PPARA: variants seen among roughly 807,000 people sequenced by gnomAD.
PPARA encodes the protein peroxisome proliferator-activated receptor alpha.
A neutral mutation model predicts 42.2 loss-of-function variants in PPARA; 22 were observed. The observed-to-expected ratio is 0.52, with a 90% CI of 0.37 to 0.74. PPARA has a LOEUF of 0.74. Among genes scored for constraint, PPARA ranks in the 30% least tolerant of loss-of-function variants. The pLI is 0.00. For missense variants in PPARA, 465 were observed against 608.2 expected (o/e 0.76, Z 2.48); for synonymous variants, 242 against 239.3 (o/e 1.01, Z -0.10).
intron 2 of PPARA, chr22:46,155,749 A>G (rs1925213001): frequency 6.6e-6 from 1 of 152,374 alleles, no homozygotes; most frequent in Non-Finnish European, 1.5e-5. Context: ...ACTTGGGCAC[A>G]GAATTTACAT....
Position 46,216,999 on chromosome 22 carries a change from A to G in PPARA, c.370-1264A>G, listed in dbSNP as rs1934553395. Among the ~76,000 whole-genome samples, 1 of 152,200 alleles carries G rather than the reference A, an allele frequency of 6.6e-6. No homozygotes were observed. The highest frequency in any genetic ancestry group is 2.1e-4 in the South Asian group (1 of 4,826). On this transcript the variant is annotated intron_variant, in intron 5 of 8. Coordinates refer to ENST00000407236, the MANE Select transcript of PPARA (RefSeq NM_005036.6). This position sits in a 1 kb window ranked among gnomAD's most constrained non-coding sequence, Gnocchi z 4.5. ...TGGAAAATGCCACCGCCTTTCTGGC[A>G]CAATGTACCATCTTGGAACACCAGC...
chr22:46,205,552 ATATTT>A (rs1933206395), intron 4 of PPARA, among the ~76,000 whole-genome samples: 4 of 22,812 alleles, frequency 1.8e-4, no homozygotes, highest in African/African-American at 7.8e-4. Context: ...ATATATATAT[ATATTT>A]TTTTTTTTTT....
intron 7 of PPARA, among the ~76,000 whole-genome samples, chr22:46,226,483 G>A (rs1008972553): frequency 2.0e-5 from 3 of 152,190 alleles, no homozygotes; most frequent in South Asian, 2.1e-4. Flanking sequence ...TGGGCGTGCC[G>A]TGTTATTTTT....
intron 3 of PPARA, among the ~76,000 whole-genome samples, chr22:46,189,243 A>G (rs944630707): frequency 1.3e-5 from 2 of 152,252 alleles, no homozygotes; most frequent in Non-Finnish European, 2.9e-5. Context: ...AGCAATAACT[A>G]CAAACTTTCT....
In PPARA at chr22:46,234,117, C is replaced by T. The variant is rs1278743143; in HGVS notation, c.1160-1016C>T. 5.3e-5 allele frequency among the ~76,000 whole-genome samples: 8 copies of T among 152,146 alleles called. No individual in the cohort carries two copies. Among genetic ancestry groups the T allele is most frequent in the Admixed American group, 2.0e-4 (3 of 15,262 alleles). ...GGGATTACAGGCATGAGCCACTGCA[C>T]CCGGCAATAATTCCTCTCTTTAGAG... On this transcript the variant is annotated intron_variant, in intron 8 of 8. Coordinates refer to ENST00000407236, the MANE Select transcript of PPARA (RefSeq NM_005036.6). This position sits in a 1 kb window ranked among gnomAD's most constrained non-coding sequence, Gnocchi z 5.8.
chr22:46,197,910 TA>T (rs1284564114), intron 3 of PPARA, among the ~76,000 whole-genome samples: 2 of 139,608 alleles, frequency 1.4e-5, no homozygotes, highest in South Asian at 2.3e-4. Flanking sequence ...ATCTCAAAAA[TA>T]AAAAAAATTA....
In PPARA at chr22:46,192,013, C is replaced by T. The variant is rs150883042; in HGVS notation, c.-42-6329C>T. Among the ~76,000 whole-genome samples the T allele has an allele frequency of 3.3e-3, 500 of 152,238 alleles. 3 individuals are homozygous for T. The highest frequency in any genetic ancestry group is 0.012 in the African/African-American group (479 of 41,554). Reference sequence around the variant, plus strand: ...CCGTGAAACGGAAGTTGCGGTGAGCCGAGATCACGCCACTGTACTCCAGCC... The same window carrying T: ...CCGTGAAACGGAAGTTGCGGTGAGCTGAGATCACGCCACTGTACTCCAGCC... On this transcript the variant is annotated intron_variant, in intron 3 of 8. Coordinates refer to ENST00000407236, the MANE Select transcript of PPARA (RefSeq NM_005036.6). The surrounding 1 kb of genome is among the most constrained non-coding windows in gnomAD (Gnocchi z 4.3).
rs1306385073 is a variant in PPARA at position 46,225,270 on chromosome 22, C to T, written c.711+5256C>T. Among the ~76,000 whole-genome samples, 5 of 152,080 alleles carry T rather than the reference C, an allele frequency of 3.3e-5. No homozygotes were observed. Among genetic ancestry groups the T allele is most frequent in the Non-Finnish European group, 1.5e-5 (1 of 68,010 alleles). ...GGGCCCTTGGTGATGGGGAAGGGCG[C>T]CTCTGGGGAACTCACTGCCCCTTGA... On this transcript the variant is annotated intron_variant, in intron 7 of 8. Transcript: ENST00000407236. This position sits in a 1 kb window ranked among gnomAD's most constrained non-coding sequence, Gnocchi z 4.1.
At position 46,192,620 on chromosome 22, in the gene PPARA, C is replaced by T. The variant is rs1393539322; in HGVS notation, c.-42-5722C>T. Among the ~76,000 whole-genome samples the T allele has an allele frequency of 6.6e-6, 1 of 152,144 alleles. No individual in the cohort carries two copies. Among genetic ancestry groups the T allele is most frequent in the African/African-American group, 2.4e-5 (1 of 41,424 alleles). The stretch of plus-strand genomic sequence containing the variant: ...CTCAGTAGTTTGAGCTTATGATATA[C>T]AAGATGCAGCTCTAACATTTAAATT... On this transcript the variant is annotated intron_variant, in intron 3 of 8. Coordinates refer to ENST00000407236, the MANE Select transcript of PPARA (RefSeq NM_005036.6). The surrounding 1 kb of genome is among the most constrained non-coding windows in gnomAD (Gnocchi z 4.3).
At chr22:46,205,957 T>C (rs1474492229) in intron 4 of PPARA, among the ~76,000 whole-genome samples, 1 of 152,156 alleles carries the variant, frequency 6.6e-6, no homozygotes, top group African/African-American at 2.4e-5. Context: ...CCATTCTTTT[T>C]CTTTTAACTG....
At chr22:46,177,020 C>T (rs1466517346) in intron 3 of PPARA, among the ~76,000 whole-genome samples, 184 bp downstream of exon 3, 1 of 152,164 alleles carries the variant, frequency 6.6e-6, no homozygotes, top group Non-Finnish European at 1.5e-5. Flanking sequence ...ACCATCCTGG[C>T]TAACACAGTG....
intron 4 of PPARA, among the ~76,000 whole-genome samples, chr22:46,199,226 T>C (rs982311735): frequency 8.5e-5 from 13 of 152,206 alleles, no homozygotes; most frequent in African/African-American, 3.1e-4. Context: ...AGGGTCTGCA[T>C]AGAGGTACTG....
rs955235620 is a variant in PPARA at position 46,161,568 on chromosome 22, G to C, written c.-127+9598G>C. 3.3e-5 allele frequency among the ~76,000 whole-genome samples: 5 copies of C among 152,082 alleles called. No homozygotes were observed. The highest frequency in any genetic ancestry group is 1.2e-4 in the African/African-American group (5 of 41,398). On this transcript the variant is annotated intron_variant, in intron 2 of 8. Coordinates refer to ENST00000407236, the MANE Select transcript of PPARA (RefSeq NM_005036.6). This position sits in a 1 kb window ranked among gnomAD's most constrained non-coding sequence, Gnocchi z 4.8. Reference sequence around the variant, plus strand: ...GCCACTGCACTCCAGCCTGGCAACAGCGAGACTCCATCTCAAAAATAATAA... The same window carrying C: ...GCCACTGCACTCCAGCCTGGCAACACCGAGACTCCATCTCAAAAATAATAA...
At chr22:46,179,011 T>C (rs927799937) in intron 3 of PPARA, among the ~76,000 whole-genome samples, 13 of 152,190 alleles carry the variant, frequency 8.5e-5, no homozygotes, top group Non-Finnish European at 1.0e-4. Context: ...AGCATGGTGC[T>C]GGCATCCGGT....
chr22:46,181,072 G>C (rs1176793202), intron 3 of PPARA, among the ~76,000 whole-genome samples: 1 of 151,548 alleles, frequency 6.6e-6, no homozygotes, highest in Non-Finnish European at 1.5e-5. Context: ...CAGACCCAGA[G>C]GGGCTGGGGA....
rs2147691451 is a variant in PPARA at position 46,231,211 on chromosome 22, G to A, written c.712-581G>A. On this transcript the variant is annotated intron_variant, in intron 7 of 8. Transcript: ENST00000407236. This position sits in a 1 kb window ranked among gnomAD's most constrained non-coding sequence, Gnocchi z 7.7. ...AGCTGGGGTTACAGGCACACACTAT[G>A]CCTGGCTAATTTTTTTTTTTTTTTT... Among the ~76,000 whole-genome samples the A allele has an allele frequency of 6.7e-6, 1 of 148,304 alleles. No homozygotes were observed. The highest frequency in any genetic ancestry group is 2.5e-5 in the African/African-American group (1 of 40,188).
At chr22:46,226,695 C>A (rs1569247864) in intron 7 of PPARA, among the ~76,000 whole-genome samples, 1 of 151,996 alleles carries the variant, frequency 6.6e-6, no homozygotes, top group Admixed American at 6.6e-5. Flanking sequence ...CCGGCTTGGG[C>A]AACATAGTGA....
intron 5 of PPARA, 98 bp from the exon 6 acceptor site, chr22:46,218,165 A>C: frequency 2.0e-6 from 3 of 1,484,944 alleles, no homozygotes; most frequent in Non-Finnish European, 2.8e-6. Context: ...TTCATTTAAA[A>C]AGAAACAATA....
rs1601773792 is a variant in PPARA at position 46,215,170 on chromosome 22, CA to C, written c.209-2del. On this transcript the variant is annotated splice_acceptor_variant, in intron 4 of 8. Coordinates refer to ENST00000407236, the MANE Select transcript of PPARA (RefSeq NM_005036.6). LOFTEE classifies it high-confidence loss of function. ...TTCATCCGTCTCTCCTCTTTTTCCC[CA>C]GACACGCTTTCACCAGCTTCGAGCC... 6.2e-7 allele frequency: 1 copy of C among 1,613,722 alleles called. No homozygotes were observed. Among genetic ancestry groups the C allele is most frequent in the East Asian group, 2.2e-5 (1 of 44,884 alleles).
Sources: gnomAD v4.1 joint callset for allele counts (sites outside exome capture counted in the v4.1 genomes callset) on GRCh38, gnomAD v4.1.1 for gene constraint, Gnocchi (gnomAD v3.1) non-coding constraint, MANE v1.5 for transcripts, NCBI Gene and HGNC (gene_info 2026-07-23, HGNC 2026-07-21) for gene names.